The following FRY variants were observed in gnomAD, a reference collection of about 807,000 sequenced individuals.
FRY encodes the protein protein furry homolog.
A neutral mutation model predicts 348.4 loss-of-function variants in FRY; 128 were observed. The observed-to-expected ratio is 0.37, with a 90% CI of 0.32 to 0.43. The LOEUF (loss-of-function observed/expected upper bound fraction) is 0.43, where lower values mean the gene tolerates loss of function less well. FRY is among the 20% of genes least tolerant of loss of function. The pLI, the probability that FRY is intolerant of heterozygous loss-of-function variation, is 1.00. For synonymous variants in FRY, 1,370 were observed against 1,374.7 expected (o/e 1.00, Z 0.08); for missense variants, 2,736 against 3,695.2 (o/e 0.74, Z 6.73).
At chr13:32,233,521 A>T (rs1366682839) in intron 41 of FRY, among the ~76,000 whole-genome samples, 1 of 152,244 alleles carries the variant, frequency 6.6e-6, no homozygotes, top group Non-Finnish European at 1.5e-5. Flanking sequence ...ATATTCAGGC[A>T]AAAGTTTAAA....
At position 32,178,431 on chromosome 13, in the gene FRY, C is replaced by T. The variant is rs1882499657; in HGVS notation, c.2676C>T (p.Asp892=). The T allele has an allele frequency of 6.2e-7, 1 of 1,614,122 alleles. No homozygotes were observed. The highest frequency in any genetic ancestry group is 8.5e-7 in the Non-Finnish European group (1 of 1,179,964). The change falls in exon 21 of 61, where the codon GAC becomes GAT. Residue 892 remains aspartate, a synonymous_variant. Coordinates refer to ENST00000542859, the MANE Select transcript of FRY (RefSeq NM_023037.3). The part of the protein sequence containing the change: ...TRLQSVMPLV[D]PNSPINAKKT... ...TCCAGTCGGTGATGCCTCTGGTGGA[C>T]CCAAAGTAAGGGATTCTTGTGTTTT... is the stretch of plus-strand genomic sequence containing the variant.
intron 1 of FRY, among the ~76,000 whole-genome samples, chr13:32,033,205 T>C (rs1872330620): frequency 1.3e-5 from 2 of 152,214 alleles, no homozygotes; most frequent in Admixed American, 1.3e-4. Flanking sequence ...TAACTTGGAC[T>C]CATTATTTTT....
intron 39 of FRY, among the ~76,000 whole-genome samples, chr13:32,228,034 G>A (rs1057219498): frequency 7.2e-5 from 11 of 152,350 alleles, no homozygotes; most frequent in Middle Eastern, 6.8e-3. Flanking sequence ...ACAGGCGTGA[G>A]CCACCGCGCC....
intron 56 of FRY, among the ~76,000 whole-genome samples, chr13:32,276,037 A>G (rs1888520036): frequency 6.6e-6 from 1 of 152,226 alleles, no homozygotes; most frequent in African/African-American, 2.4e-5. Context: ...CAAAGAATAC[A>G]ATATGAAAAG....
chr13:32,235,978 A>G (rs1460014808), intron 42 of FRY, 100 bp from the exon 43 acceptor site: 1 of 881,098 alleles, frequency 1.1e-6, no homozygotes, highest in Non-Finnish European at 1.9e-6. Flanking sequence ...TTAAAGCAGC[A>G]ATAACATTAT....
At chr13:32,095,541 C>T (rs1427980828) in intron 2 of FRY, among the ~76,000 whole-genome samples, 1 of 152,018 alleles carries the variant, frequency 6.6e-6, no homozygotes, top group Non-Finnish European at 1.5e-5. Flanking sequence ...GACGGGATTT[C>T]ACCATGTTGG....
intron 58 of FRY, among the ~76,000 whole-genome samples, chr13:32,281,692 T>A (rs1036200724): frequency 4.6e-5 from 7 of 152,236 alleles, no homozygotes; most frequent in East Asian, 1.9e-4. Flanking sequence ...CTGAGGAAGA[T>A]GCTTCCAGGC....
chr13:32,251,008 C>T (rs1205612505), intron 49 of FRY, among the ~76,000 whole-genome samples: 1 of 152,182 alleles, frequency 6.6e-6, no homozygotes, highest in Non-Finnish European at 1.5e-5. Context: ...TGTCTGTCCC[C>T]TCTATAATTT....
intron 36 of FRY, among the ~76,000 whole-genome samples, chr13:32,223,585 G>C (rs1490806910): frequency 6.6e-6 from 1 of 152,106 alleles, no homozygotes; most frequent in Non-Finnish European, 1.5e-5. Context: ...AGACCAGCAT[G>C]AACAACATGT....
At chr13:32,061,683 TA>T (rs1241637288) in intron 1 of FRY, among the ~76,000 whole-genome samples, 2 of 152,194 alleles carry the variant, frequency 1.3e-5, no homozygotes, top group African/African-American at 2.4e-5. Context: ...ATGTAAAAGA[TA>T]AAATATTTTT....
At chr13:32,141,932 A>G (rs1487879027) in intron 11 of FRY, among the ~76,000 whole-genome samples, 3 of 152,192 alleles carry the variant, frequency 2.0e-5, no homozygotes, top group Non-Finnish European at 4.4e-5. Flanking sequence ...AATGAACCTC[A>G]GAGCCATAAT....
At chr13:32,232,199 G>A (rs1370843273) in intron 41 of FRY, among the ~76,000 whole-genome samples, 1 of 152,158 alleles carries the variant, frequency 6.6e-6, no homozygotes, top group Non-Finnish European at 1.5e-5. Context: ...TTTACTATTT[G>A]TATGTAAACC....
intron 29 of FRY, among the ~76,000 whole-genome samples, chr13:32,195,309 A>G (rs1883608552): frequency 6.6e-6 from 1 of 152,174 alleles, no homozygotes; most frequent in Non-Finnish European, 1.5e-5. Flanking sequence ...ATTTTCCATC[A>G]AGTTTTATTT....
intron 1 of FRY, among the ~76,000 whole-genome samples, chr13:32,073,760 G>A (rs923609584): frequency 3.9e-5 from 6 of 152,148 alleles, no homozygotes; most frequent in African/African-American, 1.4e-4. Context: ...ATGAAAGATG[G>A]TATTACTTCT....
intron 1 of FRY, among the ~76,000 whole-genome samples, chr13:32,057,264 C>T (rs912402745): frequency 2.6e-5 from 4 of 152,010 alleles, no homozygotes; most frequent in Admixed American, 6.6e-5. Flanking sequence ...TTCTGTCTCC[C>T]GGTTTCAAGT....
chr13:32,075,897 G>A lies in FRY; in HGVS notation c.71-2937G>A, dbSNP rs1165492587. 2.6e-5 allele frequency among the ~76,000 whole-genome samples: 4 copies of A among 152,190 alleles called. No homozygotes were observed. The East Asian group carries it at 5.8e-4, about 22-fold the overall frequency. On this transcript the variant is annotated intron_variant, in intron 1 of 60. Transcript: ENST00000542859. ...CCACCTTGAATCATTTTCTGCTGTGGTACAGGGCTCTGCTGGGCTAGGATA... is the reference window on the plus strand; with the variant it reads ...CCACCTTGAATCATTTTCTGCTGTGATACAGGGCTCTGCTGGGCTAGGATA...
chr13:32,032,372 G>A (rs1872284442), intron 1 of FRY, among the ~76,000 whole-genome samples: 2 of 151,854 alleles, frequency 1.3e-5, no homozygotes, highest in Admixed American at 1.3e-4. Context: ...CCAAAACCTA[G>A]GACATCCTTT....
At chr13:32,103,081 A>T (rs1049896805) in intron 3 of FRY, among the ~76,000 whole-genome samples, 1 of 152,216 alleles carries the variant, frequency 6.6e-6, no homozygotes, top group African/African-American at 2.4e-5. Context: ...TTTCTATTTT[A>T]TGAGCTGTTC....
chr13:32,262,270 T>C lies in FRY; in HGVS notation c.7618-44T>C, dbSNP rs768287247. 5.3e-6 allele frequency: 8 copies of C among 1,504,496 alleles called. No individual in the cohort carries two copies. The East Asian group carries it at 1.8e-4, about 34-fold the overall frequency. 93.2% of individuals were successfully genotyped at this position (1,504,496 alleles called of 1,614,324 possible). On this transcript the variant is annotated intron_variant, in intron 52 of 60. Transcript: ENST00000542859. ...GAGAATAAATGGAGCTTTTAAAGAA[T>C]GGGAACTTCATACTATGTTTAATTT...
Sources: allele counts gnomAD v4.1 joint callset (sites outside exome capture counted in the v4.1 genomes callset), GRCh38; gene constraint gnomAD v4.1.1; transcripts MANE v1.5; gene names NCBI Gene and HGNC (gene_info 2026-07-23, HGNC 2026-07-21).